ADGRG3: variants seen among roughly 807,000 people sequenced by gnomAD.
The protein encoded by ADGRG3 is G protein-coupled receptor 97.
ADGRG3 carries 39 observed loss-of-function variants against 54.3 expected under a neutral mutation model. The ratio of observed to expected loss-of-function variants is 0.72; its 90% confidence interval spans 0.56 to 0.94. The LOEUF (loss-of-function observed/expected upper bound fraction) is 0.94, where lower values mean the gene tolerates loss of function less well. Among genes scored for constraint, ADGRG3 ranks in the 40% least tolerant of loss-of-function variants. The pLI, the probability that ADGRG3 is intolerant of heterozygous loss-of-function variation, is 0.00. For missense variants in ADGRG3, 654 were observed against 694.6 expected, an observed-to-expected ratio of 0.94 and a Z score of 0.66; for synonymous variants, 312 against 290.0, an observed-to-expected ratio of 1.08 and a Z score of -0.77.
At chr16:57,669,209 G>A (rs2048108102) in intron 1 of ADGRG3, among the ~76,000 whole-genome samples, 2 of 152,244 alleles carry the variant, frequency 1.3e-5, no homozygotes, top group Non-Finnish European at 2.9e-5. Flanking sequence ...TCCTGACTCG[G>A]TGAGGGGCCT....
rs1244072305 is a variant in ADGRG3 at position 57,683,873 on chromosome 16, C to T, written c.882-59C>T. 19 of 1,457,074 alleles carry T rather than the reference C, an allele frequency of 1.3e-5. No individual in the cohort carries two copies. The Middle Eastern group carries it at 9.2e-4, about 71-fold the overall frequency. 90.3% of individuals were successfully genotyped at this position (1,457,074 alleles called of 1,614,324 possible). On this transcript the variant is annotated intron_variant, in intron 8 of 11. Coordinates refer to ENST00000333493, the MANE Select transcript of ADGRG3 (RefSeq NM_170776.5). ...TATTGGGGTGGACAGGCTTGGGTGC[C>T]TCATGGGAGCTCCCCATGGGAGCTG... is the stretch of plus-strand genomic sequence containing the variant.
rs765315720 is a variant in ADGRG3, at chr16:57,678,151, G to T, written c.346-19G>T. On this transcript the variant is annotated intron_variant, in intron 3 of 11. Transcript: ENST00000333493. ...TGGGGGGTGGGTACAGATGGGAGCT[G>T]CTGTGTCTGTGGTTGTAGGTTCCGA... is the stretch of plus-strand genomic sequence containing the variant. 6.2e-7 allele frequency: 1 copy of T among 1,613,122 alleles called. No individual in the cohort carries two copies. The highest frequency in any genetic ancestry group is 8.5e-7 in the Non-Finnish European group (1 of 1,179,450).
Position 57,685,757 on chromosome 16 carries a change from C to T in ADGRG3, c.1371C>T (p.Ile457=). The T allele has an allele frequency of 6.2e-7, 1 of 1,614,222 alleles. No individual in the cohort carries two copies. Among genetic ancestry groups the T allele is most frequent in the Non-Finnish European group, 8.5e-7 (1 of 1,180,044 alleles). Reference sequence around the variant, plus strand: ...TCCTGGCCCTGGTGGTCTGGAAGATCTTCACCCTGTCCCGTGCTACAGCGG... The same window carrying T: ...TCCTGGCCCTGGTGGTCTGGAAGATTTTCACCCTGTCCCGTGCTACAGCGG... The part of the protein sequence containing the change: ...MVVLALVVWK[I]FTLSRATAVK... Residue 457 remains isoleucine (I), a synonymous_variant, in exon 11 of 12, where the codon ATC becomes ATT. Transcript: ENST00000333493.
rs750421594 is a variant in ADGRG3 at position 57,684,116 on chromosome 16, A to T, written c.1066A>T (p.Met356Leu). The T allele has an allele frequency of 1.9e-6, 3 of 1,613,972 alleles. No homozygotes were observed. The highest frequency in any genetic ancestry group is 2.5e-6 in the Non-Finnish European group (3 of 1,179,962). The stretch of plus-strand genomic sequence containing the variant: ...CTTCCTGCTCTGTGCCTTCACCTGG[A>T]TGGGCCTTGAAGCCTTCCACCTCTA... ...HYFLLCAFTW[M>L]GLEAFHLYLL... Residue 356 changes from methionine to leucine, a missense_variant, in exon 9 of 12, where the codon ATG becomes TTG. Coordinates refer to ENST00000333493, the MANE Select transcript of ADGRG3 (RefSeq NM_170776.5).
rs1228745188 is a variant in ADGRG3, at chr16:57,688,409, T to G, written c.1598T>G (p.Val533Gly). The change falls in exon 12 of 12, where the codon GTC (valine) becomes GGC (glycine). Residue 533 changes from valine to glycine, a missense_variant. Transcript: ENST00000333493. ...ILYLPSQSTT[V>G]SSSTARLDQA... ...TACCTCCCAAGTCAGAGCACCACAG[T>G]CTCCTCCTCTACTGCAAGATTGGAC... The G allele has an allele frequency of 3.1e-6, 5 of 1,613,558 alleles. No homozygotes were observed. The highest frequency in any genetic ancestry group is 1.7e-5 in the Admixed American group (1 of 60,002).
At chr16:57,668,873 C>T (rs144278906) in intron 1 of ADGRG3, among the ~76,000 whole-genome samples, 50 of 152,322 alleles carry the variant, frequency 3.3e-4, no homozygotes, top group Admixed American at 3.1e-3. Context: ...CACCCCACAC[C>T]GGCTCCCTCT....
At position 57,688,887 on chromosome 16, in the gene ADGRG3, A is replaced by G; in HGVS notation, c.*426A>G. 6.1e-6 allele frequency: 1 copy of G among 164,092 alleles called. No individual in the cohort carries two copies. The highest frequency in any genetic ancestry group is 1.3e-5 in the Non-Finnish European group (1 of 74,468). The allele number at this position is 164,092 out of a possible 1,614,324, so 10.2% of individuals were successfully genotyped here. A position where few individuals can be genotyped will look rare whatever the true frequency, so the allele number is the denominator to read the frequency against. On this transcript the variant is annotated 3_prime_UTR_variant, in exon 12 of 12. Transcript: ENST00000333493. ...CCCCTTCTGGCTGCCTGTAACCTTG[A>G]GGGGCATTCAGGAGGCCAGCGTTCC...
In ADGRG3 at chr16:57,689,077, CACT is replaced by C. The variant is rs2048524285; in HGVS notation, c.*617_*619del. On this transcript the variant is annotated 3_prime_UTR_variant, in exon 12 of 12. Coordinates refer to ENST00000333493, the MANE Select transcript of ADGRG3 (RefSeq NM_170776.5). ...CCAGGGACACTGCATTTCAAAGAAC[CACT>C]GAGTGGGTGAGCTACCTTGGGCAAA... 6.5e-6 allele frequency: 1 copy of C among 153,712 alleles called. No homozygotes were observed. The highest frequency in any genetic ancestry group is 6.4e-5 in the Admixed American group (1 of 15,534). The allele number at this position is 153,712 out of a possible 1,614,324, so 9.5% of individuals were successfully genotyped here.
intron 11 of ADGRG3, among the ~76,000 whole-genome samples, chr16:57,687,047 C>T (rs559449803): frequency 6.6e-6 from 1 of 152,312 alleles, no homozygotes; most frequent in East Asian, 1.9e-4. Context: ...TCACTAGAAA[C>T]CCAGGCGTCC....
At chr16:57,685,984 G>C in intron 11 of ADGRG3, 58 bp downstream of exon 11, 1 of 1,557,786 alleles carries the variant, frequency 6.4e-7, no homozygotes, top group South Asian at 1.1e-5. Context: ...GGAGGTATTG[G>C]GAGGTGGGGA....
chr16:57,674,087 C>T (rs1043613095), intron 2 of ADGRG3, among the ~76,000 whole-genome samples: 9 of 151,998 alleles, frequency 5.9e-5, no homozygotes, highest in Non-Finnish European at 2.9e-5. Flanking sequence ...ATATTTTAAG[C>T]GCAGGGAGAG....
chr16:57,683,688 A>T (rs1400539791), intron 8 of ADGRG3, among the ~76,000 whole-genome samples: 3 of 152,044 alleles, frequency 2.0e-5, no homozygotes, highest in Non-Finnish European at 4.4e-5. Flanking sequence ...CCTCACATTG[A>T]TCAAGGGATG....
chr16:57,676,352 C>T lies in ADGRG3; in HGVS notation c.345+14C>T, dbSNP rs2048263739. On this transcript the variant is annotated intron_variant, in intron 3 of 11. Coordinates refer to ENST00000333493, the MANE Select transcript of ADGRG3 (RefSeq NM_170776.5). ...GAGCCCTCTCAGGTGAAGAGCTCCCCAGCCCTCTTGGCTGGTTCGGACCCT... is the reference window on the plus strand; with the variant it reads ...GAGCCCTCTCAGGTGAAGAGCTCCCTAGCCCTCTTGGCTGGTTCGGACCCT... The T allele has an allele frequency of 6.2e-7, 1 of 1,612,814 alleles. No individual in the cohort carries two copies. The highest frequency in any genetic ancestry group is 1.1e-5 in the South Asian group (1 of 91,046).
chr16:57,688,535 G>A lies in ADGRG3; in HGVS notation c.*74G>A. ...CTTGGGCAGCTCCGTGCCTCTCTCT[G>A]TACTCCCTCAGTTTCCTTCTCTGTA... On this transcript the variant is annotated 3_prime_UTR_variant, in exon 12 of 12. Transcript: ENST00000333493. The A allele has an allele frequency of 3.4e-6, 3 of 881,138 alleles. 1 individual carries two copies. The highest frequency in any genetic ancestry group is 2.6e-5 in the South Asian group (2 of 76,230). 54.6% of individuals were successfully genotyped at this position (881,138 alleles called of 1,614,324 possible).
chr16:57,667,790 A>AG (rs1456224556), upstream of ADGRG3, among the ~76,000 whole-genome samples: 1 of 152,190 alleles, frequency 6.6e-6, no homozygotes, highest in Non-Finnish European at 1.5e-5. Context: ...GCCTGGTTCA[A>AG]GCCATAGGCA....
chr16:57,676,028 G>C (rs1375349210), intron 2 of ADGRG3, among the ~76,000 whole-genome samples, 172 bp from the exon 3 acceptor site: 1 of 152,224 alleles, frequency 6.6e-6, no homozygotes, highest in Non-Finnish European at 1.5e-5. Flanking sequence ...ACGCCTAGCT[G>C]GAATTCTGCA....
Position 57,684,103 on chromosome 16 carries a change from T to G in ADGRG3, c.1053T>G (p.Cys351Trp). The part of the protein sequence containing the change: ...RGAVFHYFLL[C>W]AFTWMGLEAF... ...CTGTCTTCCACTACTTCCTGCTCTG[T>G]GCCTTCACCTGGATGGGCCTTGAAG... The change falls in exon 9 of 12, where the codon TGT (cysteine) becomes TGG (tryptophan). Residue 351 changes from cysteine to tryptophan, a missense_variant. Coordinates refer to ENST00000333493, the MANE Select transcript of ADGRG3 (RefSeq NM_170776.5). 1 of 1,614,110 alleles carries G rather than the reference T, an allele frequency of 6.2e-7. No homozygotes were observed. Among genetic ancestry groups the G allele is most frequent in the Non-Finnish European group, 8.5e-7 (1 of 1,179,992 alleles).
chr16:57,675,211 C>T (rs1263145497), intron 2 of ADGRG3, among the ~76,000 whole-genome samples: 2 of 151,764 alleles, frequency 1.3e-5, no homozygotes, highest in African/African-American at 4.8e-5. Flanking sequence ...CACTGTGGCT[C>T]GTGCCCAAAG....
In ADGRG3 at chr16:57,668,319, G is replaced by T. The variant is rs1204457491; in HGVS notation, c.-29G>T. ...GGCCAGAGGGCCAGACAGCCACAGA[G>T]CTCCTGGCGTGGGCAAGGCTGGCCA... is the stretch of plus-strand genomic sequence containing the variant. On this transcript the variant is annotated 5_prime_UTR_variant, in exon 1 of 12. Coordinates refer to ENST00000333493, the MANE Select transcript of ADGRG3 (RefSeq NM_170776.5). 1 of 1,549,192 alleles carries T rather than the reference G, an allele frequency of 6.5e-7. No homozygotes were observed. The highest frequency in any genetic ancestry group is 1.2e-5 in the South Asian group (1 of 84,826).
Sources: allele counts gnomAD v4.1 joint callset (sites outside exome capture counted in the v4.1 genomes callset), GRCh38; gene constraint gnomAD v4.1.1; transcripts MANE v1.5; gene names NCBI Gene and HGNC (gene_info 2026-07-23, HGNC 2026-07-21).